Variants in SKIC2 observed in about 807,000 individuals in gnomAD.
SKIC2 encodes the protein SKI2 subunit of superkiller complex.
At chr6:31,962,382 G>A in the SKIC2 span, 80 of 1,590,162 alleles carry the variant, frequency 5.0e-5, no homozygotes, top group Non-Finnish European at 6.6e-5. The surrounding 1 kb of genome is among the most constrained non-coding windows in gnomAD (Gnocchi z 5.0). Flanking sequence ...ATGTGGGAGA[G>A]GAAGTGCGGG....
chr6:31,961,963 C>T, the SKIC2 span: 1 of 1,612,990 alleles, frequency 6.2e-7, no homozygotes, highest in Non-Finnish European at 8.5e-7. Context: ...CTTGGAACGG[C>T]ATGACTCTGT....
the SKIC2 span, chr6:31,961,837 C>A: frequency 1.3e-6 from 2 of 1,585,192 alleles, no homozygotes; most frequent in Non-Finnish European, 8.6e-7. Context: ...GCCCGCCCTG[C>A]GTGCTCCATG....
chr6:31,968,610 G>A, the SKIC2 span: 26 of 1,546,710 alleles, frequency 1.7e-5, no homozygotes, highest in South Asian at 2.2e-5. The surrounding 1 kb of genome is among the most constrained non-coding windows in gnomAD (Gnocchi z 6.1). Flanking sequence ...TAGACTGACC[G>A]CCCCCATCTC....
At chr6:31,959,888 G>C in the SKIC2 span, 1 of 727,074 alleles carries the variant, frequency 1.4e-6, no homozygotes, top group Non-Finnish European at 2.4e-6. Context: ...GGCCAAGCCT[G>C]ATTGTCCTAG....
At chr6:31,959,198 G>A in the SKIC2 span, 2 of 1,610,088 alleles carry the variant, frequency 1.2e-6, no homozygotes, top group Non-Finnish European at 1.7e-6. Context: ...CCAGGATGAT[G>A]GAGACAGAGC....
At chr6:31,963,403 C>A in the SKIC2 span, 1 of 1,543,084 alleles carries the variant, frequency 6.5e-7, no homozygotes, top group Non-Finnish European at 8.7e-7. The surrounding 1 kb of genome is among the most constrained non-coding windows in gnomAD (Gnocchi z 5.3). Flanking sequence ...CTTCCCTCTC[C>A]TTTCTTCAGG....
chr6:31,961,799 C>A, the SKIC2 span: 5 of 1,551,880 alleles, frequency 3.2e-6, no homozygotes, highest in Non-Finnish European at 3.5e-6. Context: ...TACTCAGTCC[C>A]AGCCTCGGCT....
the SKIC2 span, chr6:31,962,636 C>A: frequency 1.2e-6 from 2 of 1,607,328 alleles, no homozygotes; most frequent in Non-Finnish European, 8.5e-7. The surrounding 1 kb of genome is among the most constrained non-coding windows in gnomAD (Gnocchi z 5.0). Context: ...AAGATGTGGC[C>A]GTTGTGGAGA....
At chr6:31,959,699 A>G in the SKIC2 span, 1 of 551,130 alleles carries the variant, frequency 1.8e-6, no homozygotes, top group Non-Finnish European at 3.2e-6. Context: ...ATAGGCTTTG[A>G]GCCTCCAACC....
At chr6:31,961,630 C>T in the SKIC2 span, 2 of 1,613,052 alleles carry the variant, frequency 1.2e-6, no homozygotes, top group Non-Finnish European at 1.7e-6. Context: ...ACGCCACCTC[C>T]CCTGTTGGTG....
At chr6:31,961,737 C>T in the SKIC2 span, 1 of 1,580,190 alleles carries the variant, frequency 6.3e-7, no homozygotes, top group Non-Finnish European at 8.6e-7. Context: ...CCCAGCCGAC[C>T]CCTTGTCTCC....
At chr6:31,959,729 A>T in the SKIC2 span, 1 of 550,072 alleles carries the variant, frequency 1.8e-6, no homozygotes, top group South Asian at 2.5e-5. Context: ...TAGGTCTGGG[A>T]CCCCTTTTTC....
chr6:31,962,942 G>A, the SKIC2 span: 47 of 1,473,748 alleles, frequency 3.2e-5, no homozygotes, highest in African/African-American at 1.1e-4. The surrounding 1 kb of genome is among the most constrained non-coding windows in gnomAD (Gnocchi z 5.0). Flanking sequence ...GCAGAAGGGC[G>A]GCCCCTGCCC....
At chr6:31,969,745 C>A in the SKIC2 span, 1 of 1,583,356 alleles carries the variant, frequency 6.3e-7, no homozygotes, top group Non-Finnish European at 8.6e-7. The surrounding 1 kb of genome is among the most constrained non-coding windows in gnomAD (Gnocchi z 6.1). Context: ...GATGATAAAA[C>A]AGCAAAGCAC....
the SKIC2 span, chr6:31,960,368 G>C: frequency 6.3e-7 from 1 of 1,596,706 alleles, no homozygotes; most frequent in Non-Finnish European, 8.6e-7. Flanking sequence ...AGAAACAGTT[G>C]GGGAGAAGGG....
the SKIC2 span, chr6:31,963,225 G>A: frequency 1.3e-6 from 1 of 793,780 alleles, no homozygotes; most frequent in Non-Finnish European, 2.0e-6. This position sits in a 1 kb window ranked among gnomAD's most constrained non-coding sequence, Gnocchi z 5.3. Flanking sequence ...GTCCCACCTG[G>A]TGGCTGTGGG....
At chr6:31,967,570 C>A in the SKIC2 span, 1 of 939,544 alleles carries the variant, frequency 1.1e-6, no homozygotes, top group Non-Finnish European at 1.7e-6. This position sits in a 1 kb window ranked among gnomAD's most constrained non-coding sequence, Gnocchi z 4.9. Context: ...GAAGTCTGCT[C>A]TGATCGCTTG....
the SKIC2 span, chr6:31,969,365 T>C: frequency 1.1e-5 from 17 of 1,613,958 alleles, no homozygotes; most frequent in Admixed American, 2.5e-4. The surrounding 1 kb of genome is among the most constrained non-coding windows in gnomAD (Gnocchi z 6.1). Flanking sequence ...GAGGAATTTG[T>C]GGGGGAGCTG....
chr6:31,967,104 G>A, the SKIC2 span: 4 of 1,612,270 alleles, frequency 2.5e-6, no homozygotes, highest in African/African-American at 1.3e-5. The surrounding 1 kb of genome is among the most constrained non-coding windows in gnomAD (Gnocchi z 4.9). Context: ...TATTACAGCT[G>A]GGGGGAGGAA....
Sources: allele counts gnomAD v4.1 joint callset, GRCh38; gene constraint gnomAD v4.1.1; non-coding constraint Gnocchi (gnomAD v3.1); transcripts MANE v1.5; gene names NCBI Gene and HGNC (gene_info 2026-07-23, HGNC 2026-07-21).